DGKB: variants seen among roughly 807,000 people sequenced by gnomAD.
DGKB encodes diacylglycerol kinase beta.
Under a neutral mutation model 114.3 loss-of-function variants are expected in DGKB, and 67 were observed. The ratio of observed to expected loss-of-function variants is 0.59; its 90% CI spans 0.48 to 0.72. The LOEUF is 0.72. DGKB is among the 30% of genes least tolerant of loss of function. The probability of loss-of-function intolerance (pLI) is 0.00; values close to 1 mark genes in which losing one functional copy is unlikely to be tolerated. For missense variants in DGKB, 907 were observed against 975.2 expected, an observed-to-expected ratio of 0.93 and a Z score of 0.93; for synonymous variants, 398 against 323.1, an observed-to-expected ratio of 1.23 and a Z score of -2.49.
intron 1 of DGKB, among the ~76,000 whole-genome samples, chr7:14,925,907 T>G (rs1784725036): frequency 6.6e-6 from 1 of 152,040 alleles, no homozygotes; most frequent in Non-Finnish European, 1.5e-5. Context: ...TTTCTTTTCT[T>G]CAGTTTATCA....
At chr7:14,322,888 A>C (rs1263387912) in intron 23 of DGKB, among the ~76,000 whole-genome samples, 1 of 152,176 alleles carries the variant, frequency 6.6e-6, no homozygotes, top group East Asian at 1.9e-4. Flanking sequence ...TAGGATGCCT[A>C]AATTAAAAAG....
chr7:14,152,047 G>GTTACA (rs1183490121), intron 25 of DGKB, among the ~76,000 whole-genome samples: 1 of 151,912 alleles, frequency 6.6e-6, no homozygotes, highest in African/African-American at 2.4e-5. Context: ...TGGTTACGGG[G>GTTACA]GGTTAACAGG....
chr7:14,866,118 A>C (rs965050287), intron 1 of DGKB, among the ~76,000 whole-genome samples: 1 of 152,152 alleles, frequency 6.6e-6, no homozygotes, highest in Non-Finnish European at 1.5e-5. Context: ...CTTAAAGAGC[A>C]ATTTTAGATT....
intron 4 of DGKB, among the ~76,000 whole-genome samples, chr7:14,744,261 A>G (rs542920243): frequency 6.6e-6 from 1 of 152,316 alleles, no homozygotes; most frequent in East Asian, 1.9e-4. Flanking sequence ...GGTTATTTGC[A>G]TCAGTGCAAT....
Position 14,338,594 on chromosome 7 carries a change from G to T in DGKB, c.2043C>A (p.Ser681Arg). ...ACCCTTTTTTCTCTATTCGTCGATG[G>T]CTTCGTCTTTTCTTAGACTCTCCCC... ...NLWGESKKRR[S>R]HRRIEKKGSD... Residue 681 changes from serine to arginine, a missense_variant, in exon 23 of 26, where the codon AGC becomes AGA. Around this residue, in one of 3 missense-constraint regions of DGKB, gnomAD observed 814 missense variants for 856.6 expected, o/e 0.95. Transcript: ENST00000402815. 2 of 1,609,166 alleles carry T rather than the reference G, an allele frequency of 1.2e-6. No individual in the cohort carries two copies. The highest frequency in any genetic ancestry group is 8.5e-7 in the Non-Finnish European group (1 of 1,177,286).
intron 23 of DGKB, among the ~76,000 whole-genome samples, chr7:14,238,984 G>A (rs1793241191): frequency 6.6e-6 from 1 of 152,022 alleles, no homozygotes; most frequent in Admixed American, 6.6e-5. Flanking sequence ...TGTTTTGTCA[G>A]CAATGGAGCA....
intron 23 of DGKB, among the ~76,000 whole-genome samples, chr7:14,289,176 T>C (rs1801348396): frequency 6.6e-6 from 1 of 152,032 alleles, no homozygotes; most frequent in South Asian, 2.1e-4. Flanking sequence ...TTAGTGTACA[T>C]ATCTTGGAAA....
chr7:14,927,974 G>C (rs533189680), intron 1 of DGKB, among the ~76,000 whole-genome samples: 1 of 151,692 alleles, frequency 6.6e-6, no homozygotes, highest in African/African-American at 2.4e-5. Flanking sequence ...TCTATAAAAA[G>C]GCAAGATAGT....
chr7:14,373,767 T>C (rs1818054695), intron 21 of DGKB, among the ~76,000 whole-genome samples: 1 of 152,178 alleles, frequency 6.6e-6, no homozygotes, highest in Non-Finnish European at 1.5e-5. Flanking sequence ...AGTGGTACCA[T>C]GGTAGATGAC....
intron 23 of DGKB, among the ~76,000 whole-genome samples, chr7:14,318,406 C>T (rs576211907): frequency 4.6e-5 from 7 of 152,224 alleles, no homozygotes; most frequent in Middle Eastern, 3.4e-3. Context: ...GGGCTAATAT[C>T]CAGAATTTAC....
At chr7:14,376,223 C>T (rs1201907552) in intron 21 of DGKB, among the ~76,000 whole-genome samples, 1 of 152,172 alleles carries the variant, frequency 6.6e-6, no homozygotes, top group Non-Finnish European at 1.5e-5. Context: ...GCACCCACAG[C>T]AGCTGTGGCC....
chr7:14,912,768 G>A lies in DGKB; in HGVS notation c.-188+61928C>T, dbSNP rs751877151. Among the ~76,000 whole-genome samples the A allele has an allele frequency of 1.4e-4, 21 of 152,096 alleles. 1 individual carries two copies. Among genetic ancestry groups the A allele is most frequent in the Admixed American group, 8.5e-4 (13 of 15,272 alleles). On this transcript the variant is annotated intron_variant, in intron 1 of 4. Transcript: ENST00000437998. ...TTTATGATGTTAACTGTGGCTCCAG[G>A]CTCCATTTCTCTTGTAGGGTGCAGA...
intron 23 of DGKB, among the ~76,000 whole-genome samples, chr7:14,316,796 C>CA (rs1455454933): frequency 1.3e-5 from 2 of 151,376 alleles, no homozygotes; most frequent in Non-Finnish European, 2.9e-5. Context: ...AGGCCAGCAT[C>CA]ATTCTGATAT....
rs553964268 is a variant in DGKB, at chr7:14,614,073, G to A, written c.1285-660C>T. Among the ~76,000 whole-genome samples, 15 of 152,226 alleles carry A rather than the reference G, an allele frequency of 9.9e-5. No individual in the cohort carries two copies. The East Asian group carries it at 1.7e-3, about 18-fold the overall frequency. The stretch of plus-strand genomic sequence containing the variant: ...GTAACACGAATTGACTCGACTATAC[G>A]TCATGTGCTACTGCTTTCATCACAA... On this transcript the variant is annotated intron_variant, in intron 15 of 25. Transcript: ENST00000402815.
chr7:14,282,928 A>G (rs1442235020), intron 23 of DGKB, among the ~76,000 whole-genome samples: 1 of 152,008 alleles, frequency 6.6e-6, no homozygotes, highest in Non-Finnish European at 1.5e-5. Context: ...CAAAAACTGG[A>G]AGCATTCCCT....
intron 5 of DGKB, among the ~76,000 whole-genome samples, chr7:14,732,700 T>A (rs1004913787): frequency 6.6e-6 from 1 of 152,176 alleles, no homozygotes; most frequent in Admixed American, 6.5e-5. Context: ...ATTCCTTTCA[T>A]GTAGTCTGTG....
chr7:14,722,024 C>T (rs377402686), intron 5 of DGKB, among the ~76,000 whole-genome samples: 18 of 152,180 alleles, frequency 1.2e-4, no homozygotes, highest in African/African-American at 3.6e-4. Context: ...AAGTTATTAC[C>T]CACTACACAT....
At chr7:14,768,387 C>T (rs1836789126) in intron 2 of DGKB, among the ~76,000 whole-genome samples, 3 of 151,906 alleles carry the variant, frequency 2.0e-5, no homozygotes. Context: ...TTTTCTCTTT[C>T]TAATACTTCA....
At position 14,176,836 on chromosome 7, in the gene DGKB, C is replaced by A; in HGVS notation, c.2304+3G>T. 1 of 1,613,802 alleles carries A rather than the reference C, an allele frequency of 6.2e-7. No individual in the cohort carries two copies. The highest frequency in any genetic ancestry group is 8.5e-7 in the Non-Finnish European group (1 of 1,179,768). ...CATAGCATATCAACTACTCTGTACT[C>A]ACTGTGCATGGGGTCTGCATCCATG... is the stretch of plus-strand genomic sequence containing the variant. On this transcript the variant is annotated splice_donor_region_variant and intron_variant, in intron 25 of 25. Coordinates refer to ENST00000402815, the MANE Select transcript of DGKB (RefSeq NM_001350709.2).
Sources: gnomAD v4.1 joint callset for allele counts (sites outside exome capture counted in the v4.1 genomes callset) on GRCh38, gnomAD v4.1.1 for gene constraint, gnomAD v4.1.1 regional missense constraint, MANE v1.5 for transcripts, NCBI Gene and HGNC (gene_info 2026-07-23, HGNC 2026-07-21) for gene names.